Variants in ALDH7A1 observed in about 807,000 individuals in gnomAD.
ALDH7A1 encodes alpha-aminoadipic semialdehyde dehydrogenase.
In ALDH7A1, 63 loss-of-function variants were observed where a neutral mutation model predicts 79.9. The observed-to-expected ratio is 0.79, with a 90% confidence interval of 0.64 to 0.97. ALDH7A1 has a LOEUF of 0.97. ALDH7A1 is among the 50% of genes least tolerant of loss of function. ALDH7A1 has a pLI of 0.00. For missense variants in ALDH7A1, 627 were observed against 665.2 expected, an observed-to-expected ratio of 0.94 and a Z score of 0.63; for synonymous variants, 240 against 231.2, an observed-to-expected ratio of 1.04 and a Z score of -0.34.
chr5:126,562,615 C>G (rs1322998851), intron 9 of ALDH7A1, among the ~76,000 whole-genome samples: 1 of 151,772 alleles, frequency 6.6e-6, no homozygotes, highest in African/African-American at 2.4e-5. Context: ...TTTAGGAGGC[C>G]GAGGTGGGCA....
Position 126,559,270 on chromosome 5 carries a change from A to C in ALDH7A1, c.978T>G (p.Ala326=). 1 of 1,614,062 alleles carries C rather than the reference A, an allele frequency of 6.2e-7. No individual in the cohort carries two copies. Among genetic ancestry groups the C allele is most frequent in the Non-Finnish European group, 8.5e-7 (1 of 1,179,928 alleles). ...PSALFAAVGT[A]GQRCTTARRL... ...GCCTCGCAGTGGTACACCTCTGGCC[A>C]GCTGTTCCCACAGCAGCGAAGAGAG... Residue 326 remains alanine, a synonymous_variant, in exon 11 of 18, where the codon GCT becomes GCG. Transcript: ENST00000409134.
At position 126,595,213 on chromosome 5, in the gene ALDH7A1, T is replaced by G. The variant is rs1328455742; in HGVS notation, c.-15A>C. 1.9e-6 allele frequency: 3 copies of G among 1,551,624 alleles called. No individual in the cohort carries two copies. Among genetic ancestry groups the G allele is most frequent in the Non-Finnish European group, 1.7e-6 (2 of 1,146,966 alleles). On this transcript the variant is annotated 5_prime_UTR_variant, in exon 1 of 18. Coordinates refer to ENST00000409134, the MANE Select transcript of ALDH7A1 (RefSeq NM_001182.5). Reference sequence around the variant, plus strand: ...AGGCGCCACATACTGAGCCCGGGACTCGGGATGAGCCCAAGGCCCTGAGAG... The same window carrying G: ...AGGCGCCACATACTGAGCCCGGGACGCGGGATGAGCCCAAGGCCCTGAGAG...
At chr5:126,592,794 C>A in intron 2 of ALDH7A1, 65 bp from the exon 3 acceptor site, 1 of 1,476,382 alleles carries the variant, frequency 6.8e-7, no homozygotes, top group Non-Finnish European at 9.4e-7. Flanking sequence ...TCTTCTAGAA[C>A]ACAAAAATAT....
intron 16 of ALDH7A1, among the ~76,000 whole-genome samples, chr5:126,546,885 G>C (rs1000972644): frequency 6.6e-6 from 1 of 152,186 alleles, no homozygotes; most frequent in Non-Finnish European, 1.5e-5. Flanking sequence ...TGAAATAAAA[G>C]CTTCTCTATT....
intron 6 of ALDH7A1, among the ~76,000 whole-genome samples, chr5:126,576,433 C>T (rs1257214069): frequency 6.6e-6 from 1 of 152,118 alleles, no homozygotes; most frequent in Admixed American, 6.6e-5. Flanking sequence ...GGAACAGATG[C>T]AAGCAAAATG....
At chr5:126,576,019 T>TG (rs1750951866) in intron 6 of ALDH7A1, among the ~76,000 whole-genome samples, 1 of 151,886 alleles carries the variant, frequency 6.6e-6, no homozygotes, top group East Asian at 1.9e-4. Context: ...CCCAGCACTC[T>TG]GGGGGGCCGA....
At chr5:126,584,171 TAAG>T (rs1305230249) in intron 3 of ALDH7A1, among the ~76,000 whole-genome samples, 159 bp from the exon 4 acceptor site, 2 of 152,036 alleles carry the variant, frequency 1.3e-5, no homozygotes, top group African/African-American at 4.8e-5. Context: ...GGAGCCAAAA[TAAG>T]AAGCAAGGCA....
At chr5:126,574,769 C>A (rs1298649132) in intron 7 of ALDH7A1, among the ~76,000 whole-genome samples, 2 of 151,494 alleles carry the variant, frequency 1.3e-5, no homozygotes, top group African/African-American at 4.9e-5. Flanking sequence ...ACCCCAATTT[C>A]TCTACTAATA....
At chr5:126,561,801 GGGCAACATGGCA>G (rs1750413512) in intron 9 of ALDH7A1, 1 of 152,104 alleles carries the variant, frequency 6.6e-6, no homozygotes, top group South Asian at 2.1e-4. Context: ...AACAGAGCCT[GGGCAACATGGCA>G]AGACCCTGTC....
In ALDH7A1 at chr5:126,590,909, C is replaced by T. The variant is rs180712475; in HGVS notation, c.312+1755G>A. Among the ~76,000 whole-genome samples the T allele has an allele frequency of 1.7e-3, 248 of 144,700 alleles. 1 individual carries two copies. Among genetic ancestry groups the T allele is most frequent in the African/African-American group, 6.2e-3 (239 of 38,800 alleles). 94.9% of individuals were successfully genotyped at this position (144,700 alleles called of 152,430 possible). On this transcript the variant is annotated intron_variant, in intron 3 of 17. Transcript: ENST00000409134. ...TAAAAAAAAAAAAAAAAAGCAATAA[C>T]TTTAGGATGGTATGGAATGCAAGCA...
At position 126,572,832 on chromosome 5, in the gene ALDH7A1, A is replaced by G. The variant is rs561479888; in HGVS notation, c.696-1973T>C. On this transcript the variant is annotated intron_variant, in intron 7 of 17. Transcript: ENST00000409134. ...ACAAGAACACTGATTAAAGAGGAATACCTGATGCCATCCTCCTGACAAGCT... is the reference window on the plus strand; with the variant it reads ...ACAAGAACACTGATTAAAGAGGAATGCCTGATGCCATCCTCCTGACAAGCT... Among the ~76,000 whole-genome samples, 31 of 152,302 alleles carry G rather than the reference A, an allele frequency of 2.0e-4. 1 individual carries two copies. The Middle Eastern group carries it at 0.01, about 50-fold the overall frequency.
chr5:126,544,381 C>G lies in ALDH7A1; in HGVS notation c.*584G>C, dbSNP rs1749714852. On this transcript the variant is annotated 3_prime_UTR_variant, in exon 18 of 18. Transcript: ENST00000409134. ...CCCAGAAATCTCTTCCAAGTTGACA[C>G]AGCCTTCATAAGCAAGAGCCATAAC... The G allele has an allele frequency of 6.4e-6, 1 of 155,762 alleles. No individual in the cohort carries two copies. The highest frequency in any genetic ancestry group is 2.4e-5 in the African/African-American group (1 of 41,460). The allele number at this position is 155,762 out of a possible 1,614,324, so 9.6% of individuals were successfully genotyped here.
chr5:126,578,214 G>T (rs181630783), intron 5 of ALDH7A1, among the ~76,000 whole-genome samples: 3 of 151,980 alleles, frequency 2.0e-5, no homozygotes, highest in Non-Finnish European at 4.4e-5. Flanking sequence ...ACTTGACCCC[G>T]GGAGGCAGAG....
intron 7 of ALDH7A1, among the ~76,000 whole-genome samples, chr5:126,574,048 A>G (rs1750878092): frequency 6.7e-6 from 1 of 149,404 alleles, no homozygotes; most frequent in Non-Finnish European, 1.5e-5. Flanking sequence ...AAAAAAAAAG[A>G]AAACATATTA....
Position 126,545,066 on chromosome 5 carries a change from A to G in ALDH7A1, c.1566-47T>C, listed in dbSNP as rs759903464. Reference sequence around the variant, plus strand: ...ATTAATGACAGTACATACATAACAGAAGATTTTCATGCCCACTTTTAAAAT... The same window carrying G: ...ATTAATGACAGTACATACATAACAGGAGATTTTCATGCCCACTTTTAAAAT... On this transcript the variant is annotated intron_variant, in intron 17 of 17. Coordinates refer to ENST00000409134, the MANE Select transcript of ALDH7A1 (RefSeq NM_001182.5). 7.2e-6 allele frequency: 10 copies of G among 1,385,204 alleles called. No individual in the cohort carries two copies. In the African/African-American group the frequency reaches 1.4e-4, roughly 20 times the overall value. 85.8% of individuals were successfully genotyped at this position (1,385,204 alleles called of 1,614,324 possible). A position where few individuals can be genotyped will look rare whatever the true frequency, so the allele number is the denominator to read the frequency against.
chr5:126,574,041 A>G (rs993041649), intron 7 of ALDH7A1, among the ~76,000 whole-genome samples: 23 of 151,330 alleles, frequency 1.5e-4, no homozygotes, highest in Non-Finnish European at 2.9e-4. Context: ...AAAAAAAAAA[A>G]AAAAAGAAAA....
At position 126,544,570 on chromosome 5, in the gene ALDH7A1, A is replaced by T. The variant is rs781309579; in HGVS notation, c.*395T>A. 3.9e-6 allele frequency: 1 copy of T among 258,360 alleles called. No individual in the cohort carries two copies. Among genetic ancestry groups the T allele is most frequent in the Non-Finnish European group, 7.5e-6 (1 of 132,792 alleles). 16.0% of individuals were successfully genotyped at this position (258,360 alleles called of 1,614,324 possible). A position where few individuals can be genotyped will look rare whatever the true frequency, so the allele number is the denominator to read the frequency against. On this transcript the variant is annotated 3_prime_UTR_variant, in exon 18 of 18. Transcript: ENST00000409134. The stretch of plus-strand genomic sequence containing the variant: ...AGCAATATTCACCCCCCGCCCCTGA[A>T]TCCTTCACTTGGTCAGGAGACACCC...
At chr5:126,587,869 G>A (rs1751407008) in intron 3 of ALDH7A1, 2 of 152,078 alleles carry the variant, frequency 1.3e-5, no homozygotes, top group Admixed American at 1.3e-4. Context: ...GCACAATTAG[G>A]AAAAACTCTG....
intron 8 of ALDH7A1, chr5:126,570,566 G>A: frequency 1.8e-6 from 1 of 546,234 alleles, no homozygotes; most frequent in Non-Finnish European, 3.3e-6. Flanking sequence ...TTAACAAATA[G>A]TACCTCTGGG....
Sources: gnomAD v4.1 joint callset for allele counts (sites outside exome capture counted in the v4.1 genomes callset) on GRCh38, gnomAD v4.1.1 for gene constraint, MANE v1.5 for transcripts, NCBI Gene and HGNC (gene_info 2026-07-23, HGNC 2026-07-21) for gene names.